Variants in MOB3B observed in about 807,000 individuals in gnomAD.
The protein encoded by MOB3B is MOB kinase activator 3B.
A neutral mutation model predicts 18.7 loss-of-function variants in MOB3B; 7 were observed. The ratio of observed to expected loss-of-function variants is 0.37; its 90% confidence interval spans 0.21 to 0.70. MOB3B has a LOEUF of 0.70. Ranked by LOEUF, MOB3B falls within the 30% of genes least tolerant of loss-of-function variation. The pLI is 0.52. For missense variants in MOB3B, 253 were observed against 281.3 expected, an observed-to-expected ratio of 0.90 and a Z score of 0.72; for synonymous variants, 111 against 99.9, an observed-to-expected ratio of 1.11 and a Z score of -0.66.
At chr9:27,413,143 G>A (rs1428602894) in intron 2 of MOB3B, among the ~76,000 whole-genome samples, 1 of 152,218 alleles carries the variant, frequency 6.6e-6, no homozygotes, top group Non-Finnish European at 1.5e-5. Context: ...GAAGAAGGAA[G>A]TTGAGGAACT....
Position 27,328,164 on chromosome 9 carries a change from T to C in MOB3B, c.*2423A>G, listed in dbSNP as rs1820738273. 2 of 152,044 alleles carry C rather than the reference T, an allele frequency of 1.3e-5. No individual in the cohort carries two copies. Among genetic ancestry groups the C allele is most frequent in the African/African-American group, 2.4e-5 (1 of 41,538 alleles). 9.4% of individuals were successfully genotyped at this position (152,044 alleles called of 1,614,324 possible). On this transcript the variant is annotated 3_prime_UTR_variant, in exon 4 of 4. Coordinates refer to ENST00000262244, the MANE Select transcript of MOB3B (RefSeq NM_024761.5). ...CTATAATCTTTCAACTTTGAAACTT[T>C]TACTTTAAAATTTCCCAAAATTAAA... is the stretch of plus-strand genomic sequence containing the variant.
At position 27,329,053 on chromosome 9, in the gene MOB3B, C is replaced by T. The variant is rs1563841316; in HGVS notation, c.*1534G>A. 1 of 152,234 alleles carries T rather than the reference C, an allele frequency of 6.6e-6. No individual in the cohort carries two copies. 9.4% of individuals were successfully genotyped at this position (152,234 alleles called of 1,614,324 possible). A position where few individuals can be genotyped will look rare whatever the true frequency, so the allele number is the denominator to read the frequency against. The stretch of plus-strand genomic sequence containing the variant: ...AGAGACAGCCCTTTCTTAGCTTGGA[C>T]AAAGATTTCATGATTCTAGTCTTTT... On this transcript the variant is annotated 3_prime_UTR_variant, in exon 4 of 4. Transcript: ENST00000262244.
rs117145534 is a variant in MOB3B at position 27,359,738 on chromosome 9, G to A, written c.419-502C>T. Among the ~76,000 whole-genome samples the A allele has an allele frequency of 1.4e-4, 22 of 152,174 alleles. No homozygotes were observed. The East Asian group carries it at 2.9e-3, about 20-fold the overall frequency. On this transcript the variant is annotated intron_variant, in intron 2 of 3. Coordinates refer to ENST00000262244, the MANE Select transcript of MOB3B (RefSeq NM_024761.5). ...ACTTTGCATCACAGATTCCCCCTTC[G>A]TCTCTTTGAGGAAGGTAAGAGTTGG...
chr9:27,473,461 G>T (rs1193487538), intron 1 of MOB3B, among the ~76,000 whole-genome samples: 1 of 152,064 alleles, frequency 6.6e-6, no homozygotes, highest in Non-Finnish European at 1.5e-5. Flanking sequence ...CCAGGAAAGA[G>T]AAGCTGTCCA....
intron 1 of MOB3B, among the ~76,000 whole-genome samples, chr9:27,481,511 G>GTTTTTTTTTTTTTTTTTT (rs536716885): frequency 4.3e-5 from 3 of 69,716 alleles, no homozygotes; most frequent in Non-Finnish European, 1.1e-4. Context: ...TTTTTTTTTT[G>GTTTTTTTTTTTTTTTTTT]TTTTTTTTGT....
chr9:27,464,997 G>C (rs1162270504), intron 1 of MOB3B, among the ~76,000 whole-genome samples: 1 of 151,884 alleles, frequency 6.6e-6, no homozygotes, highest in East Asian at 1.9e-4. Flanking sequence ...ATATCATTCT[G>C]CCCCTGGCCC....
Position 27,370,458 on chromosome 9 carries a change from A to G in MOB3B, c.419-11222T>C, listed in dbSNP as rs114496213. On this transcript the variant is annotated intron_variant, in intron 2 of 3. Coordinates refer to ENST00000262244, the MANE Select transcript of MOB3B (RefSeq NM_024761.5). ...GGAAGGCAGAGGTTGCGGTGAGCCA[A>G]TATTGTACCATTGCACTCCAGACTG... is the stretch of plus-strand genomic sequence containing the variant. Among the ~76,000 whole-genome samples, 865 of 150,608 alleles carry G rather than the reference A, an allele frequency of 5.7e-3. 7 individuals are homozygous for G. Among genetic ancestry groups the G allele is most frequent in the African/African-American group, 0.02 (824 of 40,678 alleles).
chr9:27,509,248 T>C (rs1366818157), intron 1 of MOB3B, among the ~76,000 whole-genome samples: 1 of 151,914 alleles, frequency 6.6e-6, no homozygotes, highest in Non-Finnish European at 1.5e-5. Context: ...TGCCAAGCCT[T>C]AGTATCAACA....
intron 1 of MOB3B, among the ~76,000 whole-genome samples, chr9:27,477,149 C>T (rs1303372550): frequency 1.3e-5 from 2 of 152,198 alleles, no homozygotes; most frequent in African/African-American, 4.8e-5. Flanking sequence ...TCTTGGAATT[C>T]TTAATGTTAT....
chr9:27,467,571 G>A (rs1026777118), intron 1 of MOB3B, among the ~76,000 whole-genome samples: 3 of 152,180 alleles, frequency 2.0e-5, no homozygotes, highest in Non-Finnish European at 4.4e-5. Flanking sequence ...TTCCCCACTC[G>A]TGGTTTGGAT....
At chr9:27,348,331 A>C (rs561309447) in intron 3 of MOB3B, among the ~76,000 whole-genome samples, 1 of 151,826 alleles carries the variant, frequency 6.6e-6, no homozygotes, top group East Asian at 1.9e-4. Flanking sequence ...ATTATTTAAC[A>C]TATGAAGAAT....
In MOB3B at chr9:27,418,091, CAA is replaced by C. The variant is rs57850999; in HGVS notation, c.418+37040_418+37041del. On this transcript the variant is annotated intron_variant, in intron 2 of 3. Transcript: ENST00000262244. Reference sequence around the variant, plus strand: ...TGGGAGACAGGGTGAGACTCCACCTCAAAAAAAAAAAAAAAAAAAAAGTAATA... The same window carrying C: ...TGGGAGACAGGGTGAGACTCCACCTCAAAAAAAAAAAAAAAAAAAGTAATA... Among the ~76,000 whole-genome samples the C allele has an allele frequency of 7.9e-3, 349 of 44,082 alleles. 4 individuals carry two copies. The highest frequency in any genetic ancestry group is 0.022 in the African/African-American group (324 of 14,598). The allele number at this position is 44,082 out of a possible 152,430, so 28.9% of individuals were successfully genotyped here. A position where few individuals can be genotyped will look rare whatever the true frequency, so the allele number is the denominator to read the frequency against.
chr9:27,337,833 G>A (rs1820885342), intron 3 of MOB3B, among the ~76,000 whole-genome samples: 1 of 152,190 alleles, frequency 6.6e-6, no homozygotes. Context: ...AGGGGCTGTG[G>A]AATCAAAAGA....
intron 2 of MOB3B, among the ~76,000 whole-genome samples, chr9:27,404,347 CTTTTTTTT>C (rs756275032): frequency 2.0e-4 from 15 of 75,174 alleles, no homozygotes; most frequent in South Asian, 1.2e-3. Context: ...TTCTTTCTTT[CTTTTTTTT>C]TTTTTTTTTT....
chr9:27,428,048 C>T (rs1035033130), intron 2 of MOB3B, among the ~76,000 whole-genome samples: 1 of 152,198 alleles, frequency 6.6e-6, no homozygotes, highest in African/African-American at 2.4e-5. Context: ...TCCTGGGTCA[C>T]ACTTTAGGCA....
chr9:27,519,339 T>G (rs139509950), intron 1 of MOB3B, among the ~76,000 whole-genome samples: 87 of 152,352 alleles, frequency 5.7e-4, no homozygotes, highest in African/African-American at 2.0e-3. Flanking sequence ...CATAAAGGGC[T>G]GATAATATAG....
intron 1 of MOB3B, among the ~76,000 whole-genome samples, chr9:27,479,322 T>C (rs889866481): frequency 1.3e-5 from 2 of 152,206 alleles, no homozygotes; most frequent in African/African-American, 4.8e-5. Flanking sequence ...CTTACTCCCA[T>C]GATAATGGCA....
intron 1 of MOB3B, among the ~76,000 whole-genome samples, chr9:27,482,494 T>C (rs946284474): frequency 6.6e-6 from 1 of 152,184 alleles, no homozygotes; most frequent in Non-Finnish European, 1.5e-5. Flanking sequence ...ACATTCACCT[T>C]AAGTTACTCT....
At chr9:27,420,454 TATATTCCATCTAC>T (rs938450890) in intron 2 of MOB3B, among the ~76,000 whole-genome samples, 8 of 149,922 alleles carry the variant, frequency 5.3e-5, no homozygotes, top group Admixed American at 2.7e-4. Context: ...ATTATATATA[TATATTCCATCTAC>T]ATATTCCATC....
Sources: allele counts gnomAD v4.1 joint callset (sites outside exome capture counted in the v4.1 genomes callset), GRCh38; gene constraint gnomAD v4.1.1; transcripts MANE v1.5; gene names NCBI Gene and HGNC (gene_info 2026-07-23, HGNC 2026-07-21).